Variants in POLD3 observed in about 807,000 individuals in gnomAD.
POLD3 encodes the protein DNA polymerase delta subunit 3.
Under a neutral mutation model 58.2 loss-of-function variants are expected in POLD3, and 19 were observed. That is an observed-to-expected ratio of 0.33 (90% confidence interval 0.23 to 0.48). The LOEUF is 0.48. POLD3 is among the 20% of genes least tolerant of loss of function. The probability of loss-of-function intolerance (pLI) is 0.99; values close to 1 mark genes in which losing one functional copy is unlikely to be tolerated. For synonymous variants in POLD3, 172 were observed against 193.5 expected (o/e 0.89, Z 0.92); for missense variants, 504 against 545.5 (o/e 0.92, Z 0.76).
Position 74,641,203 on chromosome 11 carries a change from G to A in POLD3, c.*437G>A, listed in dbSNP as rs570961214. ...CTTATCCTTACATTCTGCTGGATAC[G>A]TTTACCCCTCTTGTCTTCCTGCAGT... On this transcript the variant is annotated 3_prime_UTR_variant, in exon 12 of 12. Transcript: ENST00000263681. 4 of 985,616 alleles carry A rather than the reference G, an allele frequency of 4.1e-6. No individual in the cohort carries two copies. Among genetic ancestry groups the A allele is most frequent in the South Asian group, 9.4e-5 (2 of 21,286 alleles). 61.1% of individuals were successfully genotyped at this position (985,616 alleles called of 1,614,324 possible).
At chr11:74,669,270 T>G (rs1362558748), downstream of POLD3, among the ~76,000 whole-genome samples, 1 of 152,080 alleles carries the variant, frequency 6.6e-6, no homozygotes, top group Non-Finnish European at 1.5e-5. Context: ...AAAAGACTCA[T>G]CAAATGTAAG....
intron 4 of POLD3, among the ~76,000 whole-genome samples, chr11:74,648,788 T>C (rs1409153934): frequency 6.6e-6 from 1 of 152,202 alleles, no homozygotes; most frequent in Non-Finnish European, 1.5e-5. Flanking sequence ...ATTCGTACAT[T>C]AGAAAGATCA....
chr11:74,625,303 C>T, intron 7 of POLD3, 105 bp from the exon 8 acceptor site: 1 of 831,278 alleles, frequency 1.2e-6, no homozygotes. Flanking sequence ...CTCCTTTTTG[C>T]CCCTGCTCCT....
chr11:74,664,623 G>T (rs764653195), intron 4 of POLD3, among the ~76,000 whole-genome samples: 4 of 148,472 alleles, frequency 2.7e-5, no homozygotes, highest in Non-Finnish European at 4.5e-5. Flanking sequence ...AATGAATATG[G>T]ATGCAGAAAT....
intron 2 of POLD3, among the ~76,000 whole-genome samples, chr11:74,601,760 C>T (rs747969221): frequency 5.3e-5 from 8 of 151,876 alleles, no homozygotes; most frequent in Admixed American, 1.3e-4. Context: ...TCAGCCTGGG[C>T]GACAGAGTGA....
intron 6 of POLD3, 62 bp from the exon 7 acceptor site, chr11:74,619,955 C>CTGCTA: frequency 7.7e-7 from 1 of 1,294,342 alleles, no homozygotes; most frequent in Non-Finnish European, 1.1e-6. Context: ...TTGTTTGAGA[C>CTGCTA]TGCTACTTCA....
intron 5 of POLD3, 109 bp from the exon 6 acceptor site, chr11:74,618,428 G>A: frequency 2.6e-6 from 2 of 767,076 alleles, no homozygotes; most frequent in Non-Finnish European, 4.3e-6. Flanking sequence ...AGAAGCAAGA[G>A]TTTGAAAATA....
At chr11:74,620,964 A>C (rs1419348456) in intron 7 of POLD3, among the ~76,000 whole-genome samples, 4 of 151,206 alleles carry the variant, frequency 2.6e-5, no homozygotes, top group African/African-American at 9.7e-5. Context: ...TAAGGGTGAC[A>C]GTTTTTGTGT....
intron 2 of POLD3, among the ~76,000 whole-genome samples, chr11:74,604,168 A>G (rs1418842990): frequency 6.6e-6 from 1 of 152,216 alleles, no homozygotes; most frequent in Non-Finnish European, 1.5e-5. Context: ...TTCAGAATCC[A>G]TTGAAAACCC....
chr11:74,599,956 A>AT (rs11310017), intron 2 of POLD3, among the ~76,000 whole-genome samples: 1,510 of 144,668 alleles, frequency 0.01, 16 homozygotes, highest in African/African-American at 0.029. Flanking sequence ...TATTATTATT[A>AT]TTTTTTTTTT....
chr11:74,621,217 A>G (rs11236173), intron 7 of POLD3, among the ~76,000 whole-genome samples: 59,805 of 151,964 alleles, frequency 0.39, 12,811 homozygotes, highest in African/African-American at 0.56. Flanking sequence ...GGTGAGCAGC[A>G]AATGAGCAAG....
Position 74,641,588 on chromosome 11 carries a change from C to T in POLD3, c.*822C>T, listed in dbSNP as rs545466822. On this transcript the variant is annotated 3_prime_UTR_variant, in exon 12 of 12. Coordinates refer to ENST00000263681, the MANE Select transcript of POLD3 (RefSeq NM_006591.3). Reference sequence around the variant, plus strand: ...GCTGCTCTTTGCGGTTTGTTGATCCCCTCCTCCCCCACTCTCAATACCTAG... The same window carrying T: ...GCTGCTCTTTGCGGTTTGTTGATCCTCTCCTCCCCCACTCTCAATACCTAG... 5.1e-6 allele frequency: 5 copies of T among 985,330 alleles called. No homozygotes were observed. The African/African-American group carries it at 8.7e-5, about 17-fold the overall frequency. 61.0% of individuals were successfully genotyped at this position (985,330 alleles called of 1,614,324 possible). A position where few individuals can be genotyped will look rare whatever the true frequency, so the allele number is the denominator to read the frequency against.
chr11:74,664,969 A>G (rs1403392309), intron 4 of POLD3, among the ~76,000 whole-genome samples: 1 of 151,526 alleles, frequency 6.6e-6, no homozygotes, highest in Non-Finnish European at 1.5e-5. Flanking sequence ...ACATGGTAGC[A>G]CATGCCTGTA....
rs575348698 is a variant in POLD3, at chr11:74,638,577, T to C, written c.1199-1987T>C. ...TTTCTAATTTAAGATATTGAATAAA[T>C]AACAGCTCGTAATTTTGTCCCATTA... On this transcript the variant is annotated intron_variant, in intron 11 of 11. Transcript: ENST00000263681. 6 of 454,588 alleles carry C rather than the reference T, an allele frequency of 1.3e-5. No homozygotes were observed. In the East Asian group the frequency reaches 4.2e-4, roughly 32 times the overall value. 28.2% of individuals were successfully genotyped at this position (454,588 alleles called of 1,614,324 possible). A position where few individuals can be genotyped will look rare whatever the true frequency, so the allele number is the denominator to read the frequency against.
intron 3 of POLD3, among the ~76,000 whole-genome samples, chr11:74,608,414 C>T (rs1402512432): frequency 6.6e-6 from 1 of 152,136 alleles, no homozygotes; most frequent in Non-Finnish European, 1.5e-5. Flanking sequence ...AACCACGGCA[C>T]CTGGCCTTTC....
rs1329971584 is a variant in POLD3, at chr11:74,643,040, A to T, written c.*2274A>T. The T allele has an allele frequency of 8.2e-6, 5 of 606,558 alleles. No individual in the cohort carries two copies. The highest frequency in any genetic ancestry group is 1.0e-5 in the Non-Finnish European group (5 of 484,200). The allele number at this position is 606,558 out of a possible 1,614,324, so 37.6% of individuals were successfully genotyped here. A position where few individuals can be genotyped will look rare whatever the true frequency, so the allele number is the denominator to read the frequency against. On this transcript the variant is annotated 3_prime_UTR_variant, in exon 12 of 12. Coordinates refer to ENST00000263681, the MANE Select transcript of POLD3 (RefSeq NM_006591.3). ...ACAGCCTCAAGTTCTTTATCAAAATAAAACTAAAATGAGTTACCAAGGGTG... is the reference window on the plus strand; with the variant it reads ...ACAGCCTCAAGTTCTTTATCAAAATTAAACTAAAATGAGTTACCAAGGGTG...
chr11:74,626,041 C>T (rs1029290299), intron 8 of POLD3, among the ~76,000 whole-genome samples: 3 of 152,004 alleles, frequency 2.0e-5, no homozygotes, highest in African/African-American at 7.2e-5. Context: ...ATAAAAAGCA[C>T]ATAAAGCTAT....
intron 1 of POLD3, chr11:74,593,167 T>G (rs1431802488): frequency 2.3e-6 from 1 of 431,604 alleles, no homozygotes; most frequent in Non-Finnish European, 3.2e-6. Context: ...AGAGGTTTGA[T>G]CCGCTTCACA....
intron 7 of POLD3, among the ~76,000 whole-genome samples, chr11:74,622,231 T>C (rs953102373): frequency 7.0e-4 from 107 of 152,266 alleles, no homozygotes; most frequent in Non-Finnish European, 1.0e-4. Context: ...TAGTATTCCA[T>C]GGTGTATATG....
Sources: allele counts gnomAD v4.1 joint callset (sites outside exome capture counted in the v4.1 genomes callset), GRCh38; gene constraint gnomAD v4.1.1; transcripts MANE v1.5; gene names NCBI Gene and HGNC (gene_info 2026-07-23, HGNC 2026-07-21).